Variants in NDUFAF6 observed in about 807,000 individuals in gnomAD.
The protein encoded by NDUFAF6 is NADH:ubiquinone oxidoreductase complex assembly factor 6, also known as NADH dehydrogenase (ubiquinone) complex I, assembly factor 6.
In NDUFAF6, 45 loss-of-function variants were observed where a neutral mutation model predicts 40.8. The ratio of observed to expected loss-of-function variants is 1.10; its 90% CI spans 0.87 to 1.42. NDUFAF6 has a LOEUF of 1.42. NDUFAF6 is among the 40% of genes most tolerant of loss of function. The probability of loss-of-function intolerance (pLI) is 0.00; values close to 1 mark genes in which losing one functional copy is unlikely to be tolerated. For missense variants in NDUFAF6, 435 were observed against 418.5 expected, an observed-to-expected ratio of 1.04 and a Z score of -0.34; for synonymous variants, 185 against 155.9, an observed-to-expected ratio of 1.19 and a Z score of -1.39.
chr8:95,018,196 T>G (rs1224965117), intron 2 of NDUFAF6, among the ~76,000 whole-genome samples: 4 of 104,580 alleles, frequency 3.8e-5, no homozygotes, highest in African/African-American at 1.4e-4. Context: ...GGCACCACCA[T>G]GCTTGGCTAT....
chr8:95,102,788 T>G (rs766755358), intron 2 of NDUFAF6, among the ~76,000 whole-genome samples: 30 of 152,136 alleles, frequency 2.0e-4, no homozygotes, highest in Non-Finnish European at 4.4e-5. Context: ...GGAAGCAAAC[T>G]GTATGTCTTC....
chr8:95,022,260 G>C (rs1361501568), upstream of NDUFAF6, among the ~76,000 whole-genome samples: 1 of 151,756 alleles, frequency 6.6e-6, no homozygotes, highest in East Asian at 1.9e-4. Context: ...TTAATCGAAT[G>C]GCTGATCCTA....
chr8:94,952,497 G>T (rs1822707801), intron 2 of NDUFAF6, among the ~76,000 whole-genome samples: 1 of 152,172 alleles, frequency 6.6e-6, no homozygotes, highest in Non-Finnish European at 1.5e-5. Context: ...GGAAAGACAA[G>T]AATTTTTTTA....
intron 1 of NDUFAF6, among the ~76,000 whole-genome samples, chr8:94,938,566 G>A (rs1241434659): frequency 1.3e-5 from 2 of 152,208 alleles, no homozygotes; most frequent in Non-Finnish European, 2.9e-5. Flanking sequence ...AAACTCCAGA[G>A]AGGGGAGAGG....
chr8:95,031,991 A>G lies in NDUFAF6; in HGVS notation c.198-4A>G, dbSNP rs369062749. 8 of 1,612,746 alleles carry G rather than the reference A, an allele frequency of 5.0e-6. No homozygotes were observed. Among genetic ancestry groups the G allele is most frequent in the South Asian group, 1.1e-5 (1 of 91,080 alleles). On this transcript the variant is annotated splice_polypyrimidine_tract_variant and splice_region_variant and intron_variant, in intron 1 of 8. Coordinates refer to ENST00000396124, the MANE Select transcript of NDUFAF6 (RefSeq NM_152416.4). Reference sequence around the variant, plus strand: ...TAACTGTCTTTTTTTTCTGTCTGTTACAGGAAACGGGATTATGAAGGTTAT... The same window carrying G: ...TAACTGTCTTTTTTTTCTGTCTGTTGCAGGAAACGGGATTATGAAGGTTAT...
intron 2 of NDUFAF6, among the ~76,000 whole-genome samples, chr8:95,019,485 T>C (rs1827602600): frequency 6.6e-6 from 1 of 152,198 alleles, no homozygotes; most frequent in Non-Finnish European, 1.5e-5. Flanking sequence ...ACATGTGATT[T>C]TGTATGCATT....
chr8:95,041,706 G>T, intron 4 of NDUFAF6, 80 bp downstream of exon 4: 3 of 1,161,320 alleles, frequency 2.6e-6, no homozygotes, highest in African/African-American at 1.5e-5. Context: ...GACATTTTTT[G>T]ACTGTATATT....
At chr8:95,032,169 A>G in intron 2 of NDUFAF6, 75 bp downstream of exon 2, 1 of 1,240,326 alleles carries the variant, frequency 8.1e-7, no homozygotes, top group East Asian at 2.3e-5. Context: ...CAATAAAGAA[A>G]TATAGTTGTA....
chr8:94,898,874 G>A (rs1007494934), intron 1 of NDUFAF6, among the ~76,000 whole-genome samples: 1 of 152,056 alleles, frequency 6.6e-6, no homozygotes, highest in African/African-American at 2.4e-5. Flanking sequence ...TGGTCAGATT[G>A]TTCAAAACTT....
downstream of NDUFAF6, among the ~76,000 whole-genome samples, chr8:95,080,346 A>G (rs1427333424): frequency 1.2e-5 from 1 of 84,436 alleles, no homozygotes; most frequent in African/African-American, 5.0e-5. Flanking sequence ...TTTTGTAGTG[A>G]TTTTTGGTAG....
rs920156734 is a variant in NDUFAF6, at chr8:95,016,707, A to G, written c.-83-15288A>G. ...CAGTGAGCTGAGATTGCGCCATTGC[A>G]CTCCAGCCTGGCGACAGAGAGAGAC... On this transcript the variant is annotated intron_variant, in intron 2 of 9. Coordinates refer to the NDUFAF6 transcript ENST00000396111. Among the ~76,000 whole-genome samples the G allele has an allele frequency of 4.6e-5, 7 of 152,132 alleles. No individual in the cohort carries two copies. The South Asian group carries it at 8.3e-4, about 18-fold the overall frequency.
chr8:94,980,897 C>T lies in NDUFAF6; in HGVS notation c.-160C>T, dbSNP rs185119142. ...ACCCATGAAGTGTCTGGAGCTCCAC[C>T]CTCTGCTCAAGAGGAACGGCACATG... On this transcript the variant is annotated 5_prime_UTR_variant, in exon 2 of 10. Coordinates refer to the NDUFAF6 transcript ENST00000396111. 14 of 456,268 alleles carry T rather than the reference C, an allele frequency of 3.1e-5. No homozygotes were observed. The East Asian group carries it at 8.3e-4, about 27-fold the overall frequency. The allele number at this position is 456,268 out of a possible 1,614,324, so 28.3% of individuals were successfully genotyped here.
At chr8:95,030,672 A>T (rs1458688724) in intron 1 of NDUFAF6, among the ~76,000 whole-genome samples, 1 of 152,174 alleles carries the variant, frequency 6.6e-6, no homozygotes, top group Non-Finnish European at 1.5e-5. Context: ...AATGTTTCAG[A>T]CTTATCTTGT....
chr8:95,032,718 A>G (rs1333931208), intron 2 of NDUFAF6, among the ~76,000 whole-genome samples: 2 of 152,216 alleles, frequency 1.3e-5, no homozygotes, highest in African/African-American at 4.8e-5. Context: ...ATTGGGAGTG[A>G]GGGAGCAGGA....
chr8:95,066,310 T>TTTTTTTTTA (rs1832703164), intron 9 of NDUFAF6, among the ~76,000 whole-genome samples: 1 of 94,260 alleles, frequency 1.1e-5, no homozygotes, highest in African/African-American at 3.7e-5. Context: ...TTTTTTTTTT[T>TTTTTTTTTA]GAGAGACAGG....
chr8:94,898,382 A>G (rs1241740934), intron 1 of NDUFAF6, among the ~76,000 whole-genome samples: 4 of 152,170 alleles, frequency 2.6e-5, no homozygotes, highest in Non-Finnish European at 5.9e-5. Flanking sequence ...TGACCTTAAC[A>G]GTTTTGAGGA....
chr8:94,979,367 C>T (rs984750817), intron 1 of NDUFAF6, among the ~76,000 whole-genome samples: 17 of 152,146 alleles, frequency 1.1e-4, no homozygotes, highest in Non-Finnish European at 2.9e-5. Flanking sequence ...TCCTCACTTC[C>T]TTGAGGAATG....
In NDUFAF6 at chr8:94,907,430, C is replaced by G. The variant is rs1218133761; in HGVS notation, c.-936+11503C>G. ...GCAGGAGTCCTCGTGCTGTGTGAGACACAGATAGATTCAAAGGACCCTAGA... is the reference window on the plus strand; with the variant it reads ...GCAGGAGTCCTCGTGCTGTGTGAGAGACAGATAGATTCAAAGGACCCTAGA... On this transcript the variant is annotated intron_variant, in intron 1 of 14. Transcript: ENST00000396113. Among the ~76,000 whole-genome samples, 7 of 152,204 alleles carry G rather than the reference C, an allele frequency of 4.6e-5. No individual in the cohort carries two copies. In the East Asian group the frequency reaches 1.2e-3, roughly 25 times the overall value.
chr8:94,901,676 G>C (rs1357503811), intron 1 of NDUFAF6, among the ~76,000 whole-genome samples: 1 of 152,168 alleles, frequency 6.6e-6, no homozygotes, highest in Admixed American at 6.5e-5. Context: ...CCACCTCCCA[G>C]GTTCAAGTGA....
Sources: gnomAD v4.1 joint callset for allele counts (sites outside exome capture counted in the v4.1 genomes callset) on GRCh38, gnomAD v4.1.1 for gene constraint, MANE v1.5 for transcripts, NCBI Gene and HGNC (gene_info 2026-07-23, HGNC 2026-07-21) for gene names.